CRACR2A: variants seen among roughly 807,000 people sequenced by gnomAD.
CRACR2A encodes calcium release activated channel regulator 2A.
A neutral mutation model predicts 90.5 loss-of-function variants in CRACR2A; 79 were observed. That is an observed-to-expected ratio of 0.87 (90% CI 0.73 to 1.05). The LOEUF (loss-of-function observed/expected upper bound fraction) is 1.05, where lower values mean the gene tolerates loss of function less well. Among genes scored for constraint, CRACR2A ranks in the 50% least tolerant of loss-of-function variants. The probability of loss-of-function intolerance (pLI) is 0.00; values close to 1 mark genes in which losing one functional copy is unlikely to be tolerated. For synonymous variants in CRACR2A, 338 were observed against 356.7 expected (o/e 0.95, Z 0.59); for missense variants, 823 against 897.2 (o/e 0.92, Z 1.06).
chr12:3,623,794 T>C (rs989359410), intron 17 of CRACR2A, among the ~76,000 whole-genome samples: 2 of 152,082 alleles, frequency 1.3e-5, no homozygotes, highest in African/African-American at 2.4e-5. Flanking sequence ...CTGGGTGAAA[T>C]AGCAGAACAA....
At chr12:3,750,163 T>C (rs1435167600) in intron 1 of CRACR2A, among the ~76,000 whole-genome samples, 1 of 151,988 alleles carries the variant, frequency 6.6e-6, no homozygotes, top group Non-Finnish European at 1.5e-5. Context: ...CTCGAACTTC[T>C]GACCTCAGGT....
intron 7 of CRACR2A, among the ~76,000 whole-genome samples, chr12:3,664,063 T>C (rs186140555): frequency 9.2e-5 from 14 of 152,364 alleles, no homozygotes; most frequent in African/African-American, 2.9e-4. Context: ...CCAAGTTTCA[T>C]TGACATTTTA....
At chr12:3,707,289 G>T (rs980148089) in intron 3 of CRACR2A, among the ~76,000 whole-genome samples, 3 of 152,186 alleles carry the variant, frequency 2.0e-5, no homozygotes, top group African/African-American at 7.2e-5. Flanking sequence ...AGGGAGACAG[G>T]GAACAGCTGT....
chr12:3,657,677 T>G (rs1402570784), intron 8 of CRACR2A, among the ~76,000 whole-genome samples: 1 of 152,182 alleles, frequency 6.6e-6, no homozygotes, highest in Non-Finnish European at 1.5e-5. Flanking sequence ...TTCCAGAGAA[T>G]CAGCCCCAGG....
At chr12:3,621,344 T>C (rs971796184) in intron 17 of CRACR2A, among the ~76,000 whole-genome samples, 3 of 150,906 alleles carry the variant, frequency 2.0e-5, no homozygotes, top group African/African-American at 7.3e-5. Context: ...CTATGCACCA[T>C]AAACAGCAAT....
chr12:3,637,168 G>C (rs1198781368), intron 14 of CRACR2A, among the ~76,000 whole-genome samples: 1 of 152,210 alleles, frequency 6.6e-6, no homozygotes, highest in African/African-American at 2.4e-5. Context: ...CTGAAGGGAG[G>C]AGCAGGCAGG....
chr12:3,648,297 G>C, intron 11 of CRACR2A: 1 of 1,426,196 alleles, frequency 7.0e-7, no homozygotes, highest in Admixed American at 2.6e-5. Flanking sequence ...GGACTCAGAG[G>C]AGTGGGGCAG....
At chr12:3,645,438 T>C (rs1311058931) in intron 11 of CRACR2A, among the ~76,000 whole-genome samples, 1 of 152,182 alleles carries the variant, frequency 6.6e-6, no homozygotes, top group Non-Finnish European at 1.5e-5. Context: ...GACCTGTCTC[T>C]TCACAGCCCT....
chr12:3,647,657 C>T (rs75995563), intron 11 of CRACR2A, among the ~76,000 whole-genome samples: 1,787 of 152,258 alleles, frequency 0.012, 74 homozygotes, highest in Admixed American at 0.069. Flanking sequence ...CAATCTGAAA[C>T]GCATTCAGGT....
chr12:3,647,236 G>A (rs1167754068), intron 11 of CRACR2A, among the ~76,000 whole-genome samples: 1 of 140,842 alleles, frequency 7.1e-6, no homozygotes, highest in Non-Finnish European at 1.5e-5. Flanking sequence ...GATTCCTGGT[G>A]GTTTCACTGT....
chr12:3,730,825 G>T (rs938553410), intron 2 of CRACR2A: 2 of 152,202 alleles, frequency 1.3e-5, no homozygotes, highest in African/African-American at 2.4e-5. Flanking sequence ...AATAAAAGTG[G>T]TTACAAGGGA....
chr12:3,629,912 G>T (rs528598054), intron 15 of CRACR2A, among the ~76,000 whole-genome samples: 1 of 152,148 alleles, frequency 6.6e-6, no homozygotes, highest in African/African-American at 2.4e-5. Context: ...AGTCCAACGG[G>T]ATAGACAACA....
At chr12:3,749,795 TTGTGTGTGTGTGTGTGTGTG>T (rs200387314) in intron 1 of CRACR2A, among the ~76,000 whole-genome samples, 3,054 of 144,660 alleles carry the variant, frequency 0.021, 48 homozygotes, top group Middle Eastern at 0.059. Flanking sequence ...TGCTGTTTCT[TTGTGTGTGTGTGTGTGTGTG>T]TGTGTGTGTG....
intron 1 of CRACR2A, among the ~76,000 whole-genome samples, chr12:3,733,509 G>A (rs139391588): frequency 5.9e-5 from 9 of 152,188 alleles, no homozygotes; most frequent in African/African-American, 1.9e-4. Flanking sequence ...AGGGGTGCTC[G>A]GAGAAGTGTT....
At chr12:3,678,507 C>T (rs1307653508) in intron 6 of CRACR2A, among the ~76,000 whole-genome samples, 2 of 152,072 alleles carry the variant, frequency 1.3e-5, no homozygotes, top group African/African-American at 4.8e-5. Flanking sequence ...GGTAAAGATG[C>T]TGGGGAGCTG....
intron 4 of CRACR2A, among the ~76,000 whole-genome samples, chr12:3,696,070 A>C (rs1189562507): frequency 6.6e-6 from 1 of 152,252 alleles, no homozygotes; most frequent in Non-Finnish European, 1.5e-5. Context: ...ATAAAATTCA[A>C]ACTTCCTTGT....
At chr12:3,752,718 G>A (rs1172514514) in intron 1 of CRACR2A, 4 of 152,752 alleles carry the variant, frequency 2.6e-5, no homozygotes, top group Non-Finnish European at 5.8e-5. Context: ...GTGAAATGAA[G>A]AGGCTGGATG....
chr12:3,715,415 GTC>G (rs1301444612), intron 2 of CRACR2A, among the ~76,000 whole-genome samples: 5 of 152,202 alleles, frequency 3.3e-5, no homozygotes, highest in Admixed American at 1.3e-4. Flanking sequence ...ACCAACCTGA[GTC>G]TCAAAGGGTG....
At chr12:3,752,215 C>T (rs1242826176) in intron 1 of CRACR2A, among the ~76,000 whole-genome samples, 1 of 152,220 alleles carries the variant, frequency 6.6e-6, no homozygotes, top group African/African-American at 2.4e-5. Flanking sequence ...CCAAACAGGG[C>T]AGGTTCCTAA....
Sources: allele counts gnomAD v4.1 joint callset (sites outside exome capture counted in the v4.1 genomes callset), GRCh38; gene constraint gnomAD v4.1.1; transcripts MANE v1.5; gene names NCBI Gene and HGNC (gene_info 2026-07-23, HGNC 2026-07-21).